The following ITPA variants were observed in gnomAD, a reference collection of about 807,000 sequenced individuals.
ITPA encodes inosine triphosphate pyrophosphatase.
Under a neutral mutation model 29.6 loss-of-function variants are expected in ITPA, and 29 were observed. The observed-to-expected ratio is 0.98, with a 90% confidence interval of 0.73 to 1.34. The LOEUF (loss-of-function observed/expected upper bound fraction) is 1.34. Among genes scored for constraint, ITPA ranks in the 40% most tolerant of loss-of-function variants. The probability of loss-of-function intolerance (pLI) is 0.00; values close to 1 mark genes in which losing one functional copy is unlikely to be tolerated. For missense variants in ITPA, 241 were observed against 251.5 expected, an observed-to-expected ratio of 0.96 and a Z score of 0.28; for synonymous variants, 103 against 99.3, an observed-to-expected ratio of 1.04 and a Z score of -0.22.
intron 4 of ITPA, among the ~76,000 whole-genome samples, chr20:3,214,874 C>T (rs570051115): frequency 4.7e-5 from 7 of 149,846 alleles, no homozygotes; most frequent in East Asian, 2.0e-4. Flanking sequence ...CCACCGCGCC[C>T]GGCCTGTATT....
rs1016862270 is a variant in ITPA, at chr20:3,218,632, G to A, written c.411G>A (p.Ser137=). The A allele has an allele frequency of 1.9e-6, 3 of 1,608,604 alleles. No homozygotes were observed. The highest frequency in any genetic ancestry group is 2.6e-6 in the Non-Finnish European group (3 of 1,175,602). ...TGCGCCTGTTCAGGGGCCGGACCTC[G>A]GTGCGTACCCACCTTGATGCAGTTC... ...QPVRLFRGRT[S]GRIVAPRGCQ... is the part of the protein sequence containing the mutation. Residue 137 remains serine, a splice_region_variant and synonymous_variant, in exon 6 of 8, where the codon TCG becomes TCA. Transcript: ENST00000380113.
chr20:3,209,585 T>C lies in ITPA; in HGVS notation c.34T>C (p.Phe12Leu), dbSNP rs767397739. ...CTCATTGGTGGGGAAGAAGATCGTG[T>C]TTGTAACGGGGAACGCCAAGAAGCT... ...AASLVGKKIV[F>L]VTGNAKKLEE... The change falls in exon 1 of 8, where the codon TTT becomes CTT. Residue 12 changes from phenylalanine (F) to leucine (L), a missense_variant. Physicochemically the swap from Phe to Leu is conservative, Grantham distance 22. Coordinates refer to ENST00000380113, the MANE Select transcript of ITPA (RefSeq NM_033453.4). The surrounding 1 kb of genome is among the most constrained non-coding windows in gnomAD (Gnocchi z 4.6). The C allele has an allele frequency of 6.2e-7, 1 of 1,613,934 alleles. No homozygotes were observed. The highest frequency in any genetic ancestry group is 1.1e-5 in the South Asian group (1 of 91,066).
chr20:3,211,795 C>T (rs1042660156), intron 1 of ITPA, among the ~76,000 whole-genome samples: 7 of 152,044 alleles, frequency 4.6e-5, no homozygotes, highest in African/African-American at 1.7e-4. Flanking sequence ...CCTGGCCGAA[C>T]GGGTAGTCTT....
chr20:3,227,050 C>T (rs1230172395), downstream of ITPA, among the ~76,000 whole-genome samples: 1 of 152,240 alleles, frequency 6.6e-6, no homozygotes, highest in Non-Finnish European at 1.5e-5. Context: ...GAAGCCTCGG[C>T]CTCCCGGCAG....
upstream of ITPA, chr20:3,209,481 C>T (rs2067120626): frequency 7.1e-7 from 1 of 1,413,792 alleles, no homozygotes; most frequent in Non-Finnish European, 1.0e-6. The surrounding 1 kb of genome is among the most constrained non-coding windows in gnomAD (Gnocchi z 4.6). Flanking sequence ...ACTTCCGCCA[C>T]CAGCCGGAAG....
At chr20:3,225,324 A>T (rs904031855), downstream of ITPA, among the ~76,000 whole-genome samples, 1 of 152,178 alleles carries the variant, frequency 6.6e-6, no homozygotes, top group Admixed American at 6.5e-5. Context: ...GCATCTAGGT[A>T]GCTTGGTTAT....
At chr20:3,214,737 A>G (rs1336053112) in intron 4 of ITPA, among the ~76,000 whole-genome samples, 10 of 151,542 alleles carry the variant, frequency 6.6e-5, no homozygotes, top group Non-Finnish European at 1.3e-4. Context: ...CCACCACCAC[A>G]CCTGGCTAAT....
At chr20:3,226,965 G>A (rs548178589), downstream of ITPA, among the ~76,000 whole-genome samples, 1 of 151,998 alleles carries the variant, frequency 6.6e-6, no homozygotes, top group East Asian at 1.9e-4. This position sits in a 1 kb window ranked among gnomAD's most constrained non-coding sequence, Gnocchi z 4.4. Flanking sequence ...TCCCTCCATC[G>A]CCACCAGTGC....
chr20:3,220,419 G>A (rs1054732984), intron 6 of ITPA, among the ~76,000 whole-genome samples: 2 of 152,008 alleles, frequency 1.3e-5, no homozygotes, highest in Non-Finnish European at 2.9e-5. Context: ...TTGCGTGGTT[G>A]AGGTTCAGTA....
chr20:3,209,846 C>T lies in ITPA; in HGVS notation c.66+229C>T, dbSNP rs1458509166. Among the ~76,000 whole-genome samples the T allele has an allele frequency of 6.6e-6, 1 of 152,148 alleles. No individual in the cohort carries two copies. Among genetic ancestry groups the T allele is most frequent in the African/African-American group, 2.4e-5 (1 of 41,432 alleles). ...GAGGGAACGAGGGTCTCGACAGATC[C>T]CGACACAGGGCTTGTGTGGTCAGCG... On this transcript the variant is annotated intron_variant, in intron 1 of 7. Transcript: ENST00000380113. This position sits in a 1 kb window ranked among gnomAD's most constrained non-coding sequence, Gnocchi z 4.6.
rs1380443187 is a variant in ITPA, at chr20:3,221,918, G to A, written c.488+1G>A. On this transcript the variant is annotated splice_donor_variant, in intron 7 of 7. Transcript: ENST00000380113. LOFTEE classifies it high-confidence loss of function. ...TTCAGCCTGATGGATATGAGCAGAC[G>A]TAAGGAGCCCTGCTTTTCTTCCCTG... 2.5e-6 allele frequency: 4 copies of A among 1,613,518 alleles called. No homozygotes were observed. The East Asian group carries it at 6.7e-5, about 27-fold the overall frequency.
In ITPA at chr20:3,222,221, C is replaced by T. The variant is rs945705441; in HGVS notation, c.488+304C>T. Among the ~76,000 whole-genome samples the T allele has an allele frequency of 2.3e-3, 312 of 137,956 alleles. 1 individual carries two copies. The highest frequency in any genetic ancestry group is 8.0e-3 in the African/African-American group (296 of 37,124). 90.5% of individuals were successfully genotyped at this position (137,956 alleles called of 152,430 possible). ...CTTGGCTTGTAAGCTGTACATCTGA[C>T]TTTTTTTTTTTTTTTTTTGAGATGG... On this transcript the variant is annotated intron_variant, in intron 7 of 7. Transcript: ENST00000380113.
intron 6 of ITPA, among the ~76,000 whole-genome samples, chr20:3,220,376 G>A (rs1355776997): frequency 6.6e-6 from 1 of 152,100 alleles, no homozygotes; most frequent in East Asian, 1.9e-4. Context: ...CTGCCGAGTA[G>A]CTGGGATTAT....
chr20:3,218,197 C>T (rs1327204145), intron 5 of ITPA, among the ~76,000 whole-genome samples: 1 of 152,228 alleles, frequency 6.6e-6, no homozygotes, highest in Non-Finnish European at 1.5e-5. Flanking sequence ...GGATTACTGG[C>T]ATGAGCCACC....
In ITPA at chr20:3,209,727, T is replaced by C; in HGVS notation, c.66+110T>C. 1.1e-6 allele frequency: 1 copy of C among 880,948 alleles called. No individual in the cohort carries two copies. Among genetic ancestry groups the C allele is most frequent in the Non-Finnish European group, 1.8e-6 (1 of 553,258 alleles). 54.6% of individuals were successfully genotyped at this position (880,948 alleles called of 1,614,324 possible). A position where few individuals can be genotyped will look rare whatever the true frequency, so the allele number is the denominator to read the frequency against. On this transcript the variant is annotated intron_variant, in intron 1 of 7. Transcript: ENST00000380113. The surrounding 1 kb of genome is among the most constrained non-coding windows in gnomAD (Gnocchi z 4.6). ...GAGGAGGCATGGAGAGAGAACAGAA[T>C]TCAGCCCGGAAGAATGGGTCCTGAC...
At chr20:3,216,470 T>G (rs1042413058) in intron 5 of ITPA, among the ~76,000 whole-genome samples, 30 of 149,376 alleles carry the variant, frequency 2.0e-4, no homozygotes, top group East Asian at 8.0e-4. Flanking sequence ...TTTTTTTTTT[T>G]TGTGACAAGT....
chr20:3,220,037 C>T (rs2067420188), intron 6 of ITPA, among the ~76,000 whole-genome samples: 1 of 119,352 alleles, frequency 8.4e-6, no homozygotes, highest in East Asian at 2.3e-4. Flanking sequence ...GAGTGAGACC[C>T]AGTCTCAAAA....
At chr20:3,206,479 C>A (rs1456481087), upstream of ITPA, among the ~76,000 whole-genome samples, 1 of 151,660 alleles carries the variant, frequency 6.6e-6, no homozygotes, top group East Asian at 1.9e-4. Context: ...GGTGGATCAC[C>A]TGAGGTCGGG....
At chr20:3,211,160 G>A (rs1159947410) in intron 1 of ITPA, among the ~76,000 whole-genome samples, 1 of 140,486 alleles carries the variant, frequency 7.1e-6, no homozygotes, top group Non-Finnish European at 1.6e-5. Context: ...GCCTAGAACA[G>A]GTAGTCTTTT....
Sources: gnomAD v4.1 joint callset for allele counts (sites outside exome capture counted in the v4.1 genomes callset) on GRCh38, gnomAD v4.1.1 for gene constraint, Gnocchi (gnomAD v3.1) non-coding constraint, MANE v1.5 for transcripts, NCBI Gene and HGNC (gene_info 2026-07-23, HGNC 2026-07-21) for gene names.